ZHX2: variants seen among roughly 807,000 people sequenced by gnomAD.
The protein encoded by ZHX2 is zinc fingers and homeoboxes 2.
In ZHX2, 6 loss-of-function variants were observed where a neutral mutation model predicts 21.9. That is an observed-to-expected ratio of 0.27 (90% CI 0.15 to 0.54). ZHX2 has a LOEUF of 0.54. ZHX2 is among the 20% of genes least tolerant of loss of function. ZHX2 has a pLI of 0.95. For synonymous variants in ZHX2, 434 were observed against 437.1 expected (o/e 0.99, Z 0.09); for missense variants, 908 against 1,090.7 (o/e 0.83, Z 2.36).
intron 1 of ZHX2, among the ~76,000 whole-genome samples, chr8:122,785,323 A>G (rs34992690): frequency 0.25 from 38,679 of 152,076 alleles, 5,392 homozygotes; most frequent in Middle Eastern, 0.32. Flanking sequence ...GGGTAAAGGG[A>G]GATGATGCCT....
chr8:122,874,963 A>G (rs993062859), intron 2 of ZHX2, among the ~76,000 whole-genome samples: 10 of 151,286 alleles, frequency 6.6e-5, no homozygotes, highest in African/African-American at 2.4e-4. Context: ...AGGTCACCCC[A>G]CCTCTGTATG....
At position 122,782,819 on chromosome 8, in the gene ZHX2, C is replaced by T. The variant is rs1160575056; in HGVS notation, c.-283+873C>T. 6.6e-6 allele frequency among the ~76,000 whole-genome samples: 1 copy of T among 152,178 alleles called. No individual in the cohort carries two copies. Among genetic ancestry groups the T allele is most frequent in the Non-Finnish European group, 1.5e-5 (1 of 68,014 alleles). ...CTCTGCCAGCCCGAGCCCACGTTCG[C>T]CCCCCTGAACGGCAGCTGGCGCTTT... On this transcript the variant is annotated intron_variant, in intron 1 of 3. Coordinates refer to ENST00000314393, the MANE Select transcript of ZHX2 (RefSeq NM_014943.5). This position sits in a 1 kb window ranked among gnomAD's most constrained non-coding sequence, Gnocchi z 5.3.
chr8:122,968,476 T>A (rs1285863293), intron 3 of ZHX2, among the ~76,000 whole-genome samples: 2 of 152,172 alleles, frequency 1.3e-5, no homozygotes, highest in African/African-American at 2.4e-5. Flanking sequence ...TTTCCCCTTT[T>A]TAAATTCTAG....
intron 2 of ZHX2, among the ~76,000 whole-genome samples, chr8:122,915,992 A>T (rs1443175620): frequency 1.3e-5 from 2 of 152,202 alleles, no homozygotes; most frequent in African/African-American, 4.8e-5. Context: ...ACACAGAGCC[A>T]GCAGACTCTA....
chr8:122,928,913 T>C (rs1374479245), intron 2 of ZHX2, among the ~76,000 whole-genome samples: 3 of 152,210 alleles, frequency 2.0e-5, no homozygotes, highest in Non-Finnish European at 4.4e-5. Context: ...TCCATAAAGA[T>C]AGGACATCCT....
At chr8:122,916,103 G>A (rs1054419585) in intron 2 of ZHX2, among the ~76,000 whole-genome samples, 2 of 152,242 alleles carry the variant, frequency 1.3e-5, no homozygotes, top group African/African-American at 4.8e-5. Context: ...AGTGCAAATG[G>A]CAGGTGTTGG....
At chr8:122,935,279 A>C (rs1812653921) in intron 2 of ZHX2, among the ~76,000 whole-genome samples, 1 of 152,172 alleles carries the variant, frequency 6.6e-6, no homozygotes, top group African/African-American at 2.4e-5. Context: ...TTTCATGCTG[A>C]AAAGGGAAAA....
At chr8:122,857,690 G>A (rs560703764) in intron 1 of ZHX2, among the ~76,000 whole-genome samples, 3 of 152,264 alleles carry the variant, frequency 2.0e-5, no homozygotes, top group South Asian at 2.1e-4. Context: ...GGGAAGAAAT[G>A]GAATGATGAT....
At chr8:122,866,989 A>AT (rs11339473) in intron 2 of ZHX2, among the ~76,000 whole-genome samples, 11,461 of 143,424 alleles carry the variant, frequency 0.08, 541 homozygotes, top group Non-Finnish European at 0.098. Flanking sequence ...CATGCCAGCT[A>AT]TTTTTTTTTT....
chr8:122,904,936 C>G lies in ZHX2; in HGVS notation c.-220+41397C>G, dbSNP rs188587082. ...CTTCAAACAATAAAAAATAGAAATT[C>G]TCAGCAAATAAACGACATAACCATA... is the stretch of plus-strand genomic sequence containing the variant. On this transcript the variant is annotated intron_variant, in intron 2 of 3. Coordinates refer to ENST00000314393, the MANE Select transcript of ZHX2 (RefSeq NM_014943.5). Among the ~76,000 whole-genome samples the G allele has an allele frequency of 2.0e-5, 3 of 152,240 alleles. No homozygotes were observed. In the East Asian group the frequency reaches 5.8e-4, roughly 29 times the overall value.
intron 2 of ZHX2, among the ~76,000 whole-genome samples, chr8:122,888,983 A>C (rs1819913022): frequency 6.6e-6 from 1 of 152,228 alleles, no homozygotes; most frequent in South Asian, 2.1e-4. Context: ...TATGAACAAA[A>C]ACATGCAGTA....
intron 2 of ZHX2, among the ~76,000 whole-genome samples, chr8:122,900,163 A>G (rs1241836724): frequency 6.6e-6 from 1 of 152,228 alleles, no homozygotes; most frequent in Non-Finnish European, 1.5e-5. Flanking sequence ...ATAAAGGAGT[A>G]TCTGAGGTTA....
At chr8:122,843,038 A>G (rs1468193517) in intron 1 of ZHX2, among the ~76,000 whole-genome samples, 1 of 152,238 alleles carries the variant, frequency 6.6e-6, no homozygotes, top group African/African-American at 2.4e-5. Context: ...ATTTTCTGAG[A>G]GCCCAACTAG....
At chr8:122,909,189 G>A (rs982019605) in intron 2 of ZHX2, among the ~76,000 whole-genome samples, 1 of 152,170 alleles carries the variant, frequency 6.6e-6, no homozygotes, top group African/African-American at 2.4e-5. Flanking sequence ...CCAGCAGTTT[G>A]GGAGATCGAG....
At position 122,974,162 on chromosome 8, in the gene ZHX2, C is replaced by G. The variant is rs1035136054; in HGVS notation, c.*925C>G. ...AGGTGAATGGCTTTGGTTTTCATTT[C>G]TCTTCTTCACTGCCTTTTCTCGGTG... On this transcript the variant is annotated 3_prime_UTR_variant, in exon 4 of 4. Transcript: ENST00000314393. 6 of 152,538 alleles carry G rather than the reference C, an allele frequency of 3.9e-5. No homozygotes were observed. The highest frequency in any genetic ancestry group is 1.4e-4 in the African/African-American group (6 of 41,422). The allele number at this position is 152,538 out of a possible 1,614,324, so 9.4% of individuals were successfully genotyped here.
Position 122,970,694 on chromosome 8 carries a change from A to G in ZHX2, c.*5-2548A>G, listed in dbSNP as rs80312380. 2.5e-3 allele frequency among the ~76,000 whole-genome samples: 384 copies of G among 152,262 alleles called. 4 individuals are homozygous for G. Among genetic ancestry groups the G allele is most frequent in the African/African-American group, 8.9e-3 (370 of 41,562 alleles). The stretch of plus-strand genomic sequence containing the variant: ...TCTGGAAGTGTTCAGGGGGACATCC[A>G]ATCAGTGGCAGCCTCCCTCCCAAAG... On this transcript the variant is annotated intron_variant, in intron 3 of 3. Coordinates refer to ENST00000314393, the MANE Select transcript of ZHX2 (RefSeq NM_014943.5).
intron 2 of ZHX2, among the ~76,000 whole-genome samples, chr8:122,920,000 G>A (rs952375730): frequency 6.6e-6 from 1 of 152,140 alleles, no homozygotes; most frequent in Non-Finnish European, 1.5e-5. Context: ...GAGGCTGGGC[G>A]CAGTGGCTCA....
intron 2 of ZHX2, among the ~76,000 whole-genome samples, chr8:122,908,402 G>A (rs1820396207): frequency 6.6e-6 from 1 of 152,022 alleles, no homozygotes; most frequent in Non-Finnish European, 1.5e-5. Flanking sequence ...TAGAGACGGG[G>A]TTTCACCATG....
intron 1 of ZHX2, among the ~76,000 whole-genome samples, chr8:122,800,888 T>C (rs766295334): frequency 1.3e-5 from 2 of 152,254 alleles, no homozygotes; most frequent in Admixed American, 6.5e-5. Flanking sequence ...ACTGGAGTTA[T>C]GGCTTGTGTA....
Sources: gnomAD v4.1 joint callset for allele counts (sites outside exome capture counted in the v4.1 genomes callset) on GRCh38, gnomAD v4.1.1 for gene constraint, Gnocchi (gnomAD v3.1) non-coding constraint, MANE v1.5 for transcripts, NCBI Gene and HGNC (gene_info 2026-07-23, HGNC 2026-07-21) for gene names.